Variants in CCDC30 observed in about 807,000 individuals in gnomAD.
CCDC30 encodes coiled-coil domain containing 30.
In CCDC30, 70 loss-of-function variants were observed where a neutral mutation model predicts 100.2. The ratio of observed to expected loss-of-function variants is 0.70; its 90% CI spans 0.58 to 0.85. The LOEUF is 0.85. CCDC30 is among the 40% of genes least tolerant of loss of function. CCDC30 has a pLI of 0.00. For missense variants in CCDC30, 652 were observed against 771.2 expected, an observed-to-expected ratio of 0.85 and a Z score of 1.83; for synonymous variants, 233 against 269.5, an observed-to-expected ratio of 0.86 and a Z score of 1.33.
intron 11 of CCDC30, among the ~76,000 whole-genome samples, chr1:42,618,464 G>A (rs1159590070): frequency 1.3e-5 from 2 of 152,052 alleles, no homozygotes; most frequent in Non-Finnish European, 2.9e-5. Flanking sequence ...TGGAACTCCC[G>A]ACCTCAGGTG....
At chr1:42,532,858 C>T (rs1196022558) in intron 6 of CCDC30, among the ~76,000 whole-genome samples, 7 of 152,192 alleles carry the variant, frequency 4.6e-5, no homozygotes, top group African/African-American at 1.7e-4. Context: ...CTCCGCCTCC[C>T]GGGTTCACGC....
At chr1:42,558,574 G>A (rs1645421326) in intron 6 of CCDC30, among the ~76,000 whole-genome samples, 1 of 152,156 alleles carries the variant, frequency 6.6e-6, no homozygotes, top group South Asian at 2.1e-4. Flanking sequence ...TATAGAAGAT[G>A]AAGTAATCTT....
Position 42,544,820 on chromosome 1 carries a change from T to C in CCDC30, c.457-21476T>C, listed in dbSNP as rs112440808. Reference sequence around the variant, plus strand: ...TTGCACCCGGCCAAGACTGCGCTTTTAATAAATTCTTCAGCTGATGCTTTT... The same window carrying C: ...TTGCACCCGGCCAAGACTGCGCTTTCAATAAATTCTTCAGCTGATGCTTTT... On this transcript the variant is annotated intron_variant, in intron 6 of 16. Coordinates refer to ENST00000668663, the Ensembl canonical transcript of CCDC30. 6.0e-3 allele frequency among the ~76,000 whole-genome samples: 921 copies of C among 152,306 alleles called. 6 individuals carry two copies. The highest frequency in any genetic ancestry group is 0.021 in the African/African-American group (859 of 41,564).
At chr1:42,555,383 C>T (rs1374235502) in intron 6 of CCDC30, among the ~76,000 whole-genome samples, 1 of 152,188 alleles carries the variant, frequency 6.6e-6, no homozygotes, top group Non-Finnish European at 1.5e-5. Context: ...TGTGCCTACT[C>T]ATCCATCAGG....
Position 42,641,092 on chromosome 1 carries a change from C to T in CCDC30, c.1420-1381C>T, listed in dbSNP as rs377111223. On this transcript the variant is annotated intron_variant, in intron 12 of 16. Coordinates refer to ENST00000668663, the Ensembl canonical transcript of CCDC30. ...GCAACAGAGCAAGACCCTGTTTCTACTATTTTATTTTATTTTTTATCTTAA... is the reference window on the plus strand; with the variant it reads ...GCAACAGAGCAAGACCCTGTTTCTATTATTTTATTTTATTTTTTATCTTAA... Among the ~76,000 whole-genome samples the T allele has an allele frequency of 4.0e-5, 6 of 151,792 alleles. No homozygotes were observed. The East Asian group carries it at 7.7e-4, about 20-fold the overall frequency.
At chr1:42,570,673 T>C (rs1300297514) in intron 7 of CCDC30, among the ~76,000 whole-genome samples, 3 of 152,034 alleles carry the variant, frequency 2.0e-5, no homozygotes, top group Non-Finnish European at 2.9e-5. Flanking sequence ...TCATACAATA[T>C]AGTTGTTTTC....
At chr1:42,570,800 C>A (rs1645717869) in intron 7 of CCDC30, among the ~76,000 whole-genome samples, 1 of 152,042 alleles carries the variant, frequency 6.6e-6, no homozygotes, top group South Asian at 2.1e-4. Flanking sequence ...ATTATTTATT[C>A]ATTTTCTTTA....
At chr1:42,654,229 T>G, downstream of CCDC30, 1 of 549,930 alleles carries the variant, frequency 1.8e-6, no homozygotes, top group Non-Finnish European at 3.2e-6. Context: ...TGCCTTGTAT[T>G]GACCAAAATA....
chr1:42,507,198 A>G (rs1016753349), intron 6 of CCDC30, among the ~76,000 whole-genome samples: 1 of 152,206 alleles, frequency 6.6e-6, no homozygotes, highest in African/African-American at 2.4e-5. Flanking sequence ...GAGTGCTGGG[A>G]TTACAGACAT....
rs886563039 is a variant in CCDC30, at chr1:42,478,999, T to TA, written c.-91-1455dup. ...GTGGACATGCAAGGTCCTAGACTAG[T>TA]AAAAAAACTGAAAAAGAACAAAGTT... On this transcript the variant is annotated intron_variant, in intron 1 of 16. Coordinates refer to ENST00000668663, the Ensembl canonical transcript of CCDC30. Among the ~76,000 whole-genome samples the TA allele has an allele frequency of 2.6e-5, 4 of 152,048 alleles. No individual in the cohort carries two copies. The East Asian group carries it at 5.8e-4, about 22-fold the overall frequency.
At chr1:42,558,491 G>A (rs1276666362) in intron 6 of CCDC30, among the ~76,000 whole-genome samples, 1 of 152,150 alleles carries the variant, frequency 6.6e-6, no homozygotes. Context: ...GCTTGCATGT[G>A]TTATCTTTCT....
exon 14 of CCDC30, chr1:42,644,703 A>G: frequency 1.9e-6 from 3 of 1,599,350 alleles, no homozygotes; most frequent in East Asian, 2.2e-5. Flanking sequence ...GGTACTTTAC[A>G]TGGATAAAGA....
rs143178133 is a variant in CCDC30 at position 42,557,840 on chromosome 1, T to C, written c.457-8456T>C. ...TTGTAATTCCTTAAGACGGAAAAGA[T>C]GTTAGGCATCATCTGGTCTTATGTC... On this transcript the variant is annotated intron_variant, in intron 6 of 16. Transcript: ENST00000668663. Among the ~76,000 whole-genome samples, 797 of 151,898 alleles carry C rather than the reference T, an allele frequency of 5.2e-3. 8 individuals are homozygous for C. The highest frequency in any genetic ancestry group is 0.019 in the African/African-American group (770 of 41,488).
At chr1:42,588,664 A>C (rs1646124941) in intron 9 of CCDC30, among the ~76,000 whole-genome samples, 1 of 152,308 alleles carries the variant, frequency 6.6e-6, no homozygotes, top group East Asian at 1.9e-4. Flanking sequence ...TTTTCTGAAG[A>C]TCCATAAATA....
intron 10 of CCDC30, among the ~76,000 whole-genome samples, chr1:42,610,612 A>G (rs1348795712): frequency 1.3e-5 from 2 of 152,060 alleles, no homozygotes; most frequent in African/African-American, 2.4e-5. Flanking sequence ...TTTTGTAGAT[A>G]TGGGGTTTTA....
chr1:42,620,018 T>C (rs12027695), intron 11 of CCDC30, among the ~76,000 whole-genome samples: 21,621 of 152,278 alleles, frequency 0.14, 1,759 homozygotes, highest in South Asian at 0.28. Flanking sequence ...TTCCAATCCC[T>C]TCTGGTTGTA....
intron 11 of CCDC30, among the ~76,000 whole-genome samples, chr1:42,628,897 A>G (rs1646981718): frequency 6.6e-6 from 1 of 152,204 alleles, no homozygotes; most frequent in Admixed American, 6.5e-5. Flanking sequence ...TTGCATAAAC[A>G]AAGAAGGAAA....
chr1:42,536,603 T>C lies in CCDC30; in HGVS notation c.457-29693T>C. ...AAGGCCTTGAAAGTTGAAAGTGAGG[T>C]ATTACCATTCAGGAAGCTGTTTTCT... On this transcript the variant is annotated intron_variant, in intron 6 of 16. Transcript: ENST00000668663. The C allele has an allele frequency of 1.0e-4, 141 of 1,387,336 alleles. No individual in the cohort carries two copies. The highest frequency in any genetic ancestry group is 1.3e-4 in the Non-Finnish European group (128 of 980,012). The allele number at this position is 1,387,336 out of a possible 1,614,324, so 85.9% of individuals were successfully genotyped here. A position where few individuals can be genotyped will look rare whatever the true frequency, so the allele number is the denominator to read the frequency against.
At chr1:42,613,175 G>C (rs1188256663) in intron 11 of CCDC30, among the ~76,000 whole-genome samples, 1 of 152,210 alleles carries the variant, frequency 6.6e-6, no homozygotes, top group East Asian at 1.9e-4. Context: ...GCTGCCCCGA[G>C]GGCTGCTGGT....
Sources: gnomAD v4.1 joint callset for allele counts (sites outside exome capture counted in the v4.1 genomes callset) on GRCh38, gnomAD v4.1.1 for gene constraint, MANE v1.5 for transcripts, NCBI Gene and HGNC (gene_info 2026-07-23, HGNC 2026-07-21) for gene names.